KPNA7: variants seen among roughly 807,000 people sequenced by gnomAD.
KPNA7 encodes importin subunit alpha-8.
A neutral mutation model predicts 53.7 loss-of-function variants in KPNA7; 54 were observed. The ratio of observed to expected loss-of-function variants is 1.01; its 90% CI spans 0.81 to 1.26. The LOEUF (loss-of-function observed/expected upper bound fraction) is 1.26. Ranked by LOEUF, KPNA7 falls within the 50% of genes most tolerant of loss-of-function variation. The pLI, the probability that KPNA7 is intolerant of heterozygous loss-of-function variation, is 0.00. For missense variants in KPNA7, 640 were observed against 644.5 expected (o/e 0.99, Z 0.07); for synonymous variants, 276 against 259.3 (o/e 1.06, Z -0.62).
At chr7:99,163,383 A>ATTTTTTTTTT in the KPNA7 span, among the ~76,000 whole-genome samples, 19 of 40,820 alleles carry the variant, frequency 4.7e-4, no homozygotes, top group African/African-American at 8.5e-4. Context: ...ATATATATAT[A>ATTTTTTTTTT]TTTTTTTTTT....
the KPNA7 span, among the ~76,000 whole-genome samples, chr7:99,155,093 A>C: frequency 2.6e-5 from 4 of 152,344 alleles, no homozygotes; most frequent in East Asian, 5.8e-4. Context: ...TCACCAATTT[A>C]GGACATTATC....
intron 6 of KPNA7, among the ~76,000 whole-genome samples, chr7:99,189,446 C>T (rs996859418): frequency 5.3e-5 from 8 of 151,936 alleles, no homozygotes; most frequent in East Asian, 3.9e-4. Context: ...TTAAAGATTC[C>T]GCCCAGAATC....
chr7:99,218,717 C>T (rs1244602758), intron 1 of KPNA7, among the ~76,000 whole-genome samples: 1 of 152,250 alleles, frequency 6.6e-6, no homozygotes, highest in African/African-American at 2.4e-5. Flanking sequence ...CTTCTCCAAG[C>T]TGCCCCCATG....
At chr7:99,170,427 A>T (rs1798750800), downstream of KPNA7, among the ~76,000 whole-genome samples, 1 of 152,176 alleles carries the variant, frequency 6.6e-6, no homozygotes, top group African/African-American at 2.4e-5. Context: ...AAAGATGGAA[A>T]ATAGAGAATG....
In KPNA7 at chr7:99,195,056, G is replaced by C; in HGVS notation, c.553+14C>G. 6.4e-7 allele frequency: 1 copy of C among 1,550,416 alleles called. No individual in the cohort carries two copies. Among genetic ancestry groups the C allele is most frequent in the Non-Finnish European group, 8.7e-7 (1 of 1,146,034 alleles). On this transcript the variant is annotated intron_variant, in intron 5 of 10. Coordinates refer to ENST00000327442, the MANE Select transcript of KPNA7 (RefSeq NM_001145715.3). Reference sequence around the variant, plus strand: ...TGGCCCCGTTTTCTTAGCCCACTAAGGGGAGAGTCTCACCGGCTATATTAC... The same window carrying C: ...TGGCCCCGTTTTCTTAGCCCACTAACGGGAGAGTCTCACCGGCTATATTAC...
intron 3 of KPNA7, among the ~76,000 whole-genome samples, chr7:99,201,868 C>T (rs774839612): frequency 4.6e-5 from 7 of 151,628 alleles, no homozygotes; most frequent in Non-Finnish European, 7.4e-5. Context: ...CTACCACACC[C>T]GGCTAATTTT....
chr7:99,192,421 A>G (rs546529442), intron 6 of KPNA7, among the ~76,000 whole-genome samples: 1 of 152,206 alleles, frequency 6.6e-6, no homozygotes, highest in East Asian at 1.9e-4. Context: ...TGCTATTATT[A>G]GTTTATTTAG....
intron 1 of KPNA7, among the ~76,000 whole-genome samples, chr7:99,218,900 G>A (rs1430884518): frequency 2.0e-5 from 3 of 152,236 alleles, no homozygotes; most frequent in African/African-American, 7.2e-5. Flanking sequence ...GTCTGGAGCC[G>A]GGGCTCGTGC....
chr7:99,160,803 G>A, the KPNA7 span, among the ~76,000 whole-genome samples: 1 of 151,968 alleles, frequency 6.6e-6, no homozygotes, highest in Non-Finnish European at 1.5e-5. Context: ...CTGTCTTCTG[G>A]TCTTCACACC....
chr7:99,204,341 C>T (rs908446772), intron 2 of KPNA7, among the ~76,000 whole-genome samples: 15 of 151,856 alleles, frequency 9.9e-5, no homozygotes, highest in African/African-American at 3.6e-4. Flanking sequence ...CACTGCACTC[C>T]AGCCTGGGCA....
At chr7:99,169,974 G>A (rs533311390), downstream of KPNA7, among the ~76,000 whole-genome samples, 10 of 152,122 alleles carry the variant, frequency 6.6e-5, no homozygotes, top group African/African-American at 9.6e-5. Context: ...CCCAGGAGGC[G>A]GAGGTTGCAG....
At position 99,201,621 on chromosome 7, in the gene KPNA7, C is replaced by G. The variant is rs563873741; in HGVS notation, c.201+1485G>C. On this transcript the variant is annotated intron_variant, in intron 3 of 10. Coordinates refer to ENST00000327442, the MANE Select transcript of KPNA7 (RefSeq NM_001145715.3). ...GAAGTTGCGGTGAGCCAAGATCGTGCCACTGCACTCCAGCCTGGGCGACAG... is the reference window on the plus strand; with the variant it reads ...GAAGTTGCGGTGAGCCAAGATCGTGGCACTGCACTCCAGCCTGGGCGACAG... Among the ~76,000 whole-genome samples, 3 of 150,324 alleles carry G rather than the reference C, an allele frequency of 2.0e-5. No homozygotes were observed. In the East Asian group the frequency reaches 6.1e-4, roughly 31 times the overall value.
At chr7:99,175,736 A>G (rs10953282) in intron 10 of KPNA7, among the ~76,000 whole-genome samples, 75,897 of 150,680 alleles carry the variant, frequency 0.5, 21,618 homozygotes, top group East Asian at 0.67. Context: ...CTGGTCTTGA[A>G]CTCCTAACCT....
chr7:99,203,107 G>T lies in KPNA7; in HGVS notation c.200C>A (p.Ala67Glu). Residue 67 changes from alanine to glutamate, a missense_variant and splice_region_variant, in exon 3 of 11, where the codon GCG becomes GAG. By Grantham distance (107) the Ala-to-Glu change is moderately radical (BLOSUM62 -1). Transcript: ENST00000327442. Reference sequence around the variant, plus strand: ...CTACTCTAAACACTACATACTGACCGCCACCCCTTTGGCTGTTTTTTCAGA... The same window carrying T: ...CTACTCTAAACACTACATACTGACCTCCACCCCTTTGGCTGTTTTTTCAGA... The part of the protein sequence containing the change: ...TPSEKTAKGV[A>E]VSLTLGEIIK... 7 of 1,551,514 alleles carry T rather than the reference G, an allele frequency of 4.5e-6. No individual in the cohort carries two copies. The highest frequency in any genetic ancestry group is 1.2e-5 in the South Asian group (1 of 84,036).
the KPNA7 span, among the ~76,000 whole-genome samples, chr7:99,165,902 G>T: frequency 1.3e-5 from 2 of 152,154 alleles, no homozygotes; most frequent in Non-Finnish European, 2.9e-5. Context: ...AACGTTGGGG[G>T]TGGGGCCTGG....
intron 6 of KPNA7, among the ~76,000 whole-genome samples, chr7:99,191,199 C>T (rs191929515): frequency 1.2e-3 from 179 of 151,304 alleles, no homozygotes; most frequent in East Asian, 5.8e-4. Context: ...TGCTCTGTCA[C>T]CAGGCTGGAG....
Position 99,180,565 on chromosome 7 carries a change from GTCCA to G in KPNA7, c.1317+1314_1317+1317del, listed in dbSNP as rs1411688756. Reference sequence around the variant, plus strand: ...TCTGTCTCCGTCTGTCTCTGTCTCTGTCCATCTGTCTCTGTCCATCTCTCCGTCT... The same window carrying G: ...TCTGTCTCCGTCTGTCTCTGTCTCTGTCTGTCTCTGTCCATCTCTCCGTCT... On this transcript the variant is annotated intron_variant, in intron 9 of 10. Transcript: ENST00000327442. Among the ~76,000 whole-genome samples the G allele has an allele frequency of 2.6e-4, 29 of 111,146 alleles. 3 individuals carry two copies. Among genetic ancestry groups the G allele is most frequent in the African/African-American group, 5.1e-4 (16 of 31,106 alleles). The allele number at this position is 111,146 out of a possible 152,430, so 72.9% of individuals were successfully genotyped here. A position where few individuals can be genotyped will look rare whatever the true frequency, so the allele number is the denominator to read the frequency against.
At chr7:99,207,936 C>G (rs1790906458) in intron 1 of KPNA7, among the ~76,000 whole-genome samples, 92 bp downstream of exon 1, 1 of 151,608 alleles carries the variant, frequency 6.6e-6, no homozygotes, top group African/African-American at 2.4e-5. Flanking sequence ...TCCCAGCCAG[C>G]ATTTTTTATT....
the KPNA7 span, among the ~76,000 whole-genome samples, chr7:99,151,283 T>G: frequency 2.0e-5 from 3 of 152,132 alleles, no homozygotes; most frequent in African/African-American, 7.2e-5. Context: ...AACCTAGTCC[T>G]ACCTAGGACT....
Sources: gnomAD v4.1 joint callset for allele counts (sites outside exome capture counted in the v4.1 genomes callset) on GRCh38, gnomAD v4.1.1 for gene constraint, MANE v1.5 for transcripts, NCBI Gene and HGNC (gene_info 2026-07-23, HGNC 2026-07-21) for gene names.